Variants in COA1 observed in about 807,000 individuals in gnomAD.
COA1 encodes cytochrome c oxidase assembly factor 1, also known as cytochrome c oxidase assembly factor 1 homolog.
COA1 carries 13 observed loss-of-function variants against 16.0 expected under a neutral mutation model. That is an observed-to-expected ratio of 0.81 (90% CI 0.53 to 1.29). The LOEUF is 1.29. COA1 is among the 50% of genes most tolerant of loss of function. The probability of loss-of-function intolerance (pLI) is 0.00; values close to 1 mark genes in which losing one functional copy is unlikely to be tolerated. For missense variants in COA1, 179 were observed against 177.0 expected (o/e 1.01, Z -0.06); for synonymous variants, 65 against 65.7 (o/e 0.99, Z 0.05).
At chr7:43,612,280 GAGT>G (rs1563154278) in intron 6 of COA1, among the ~76,000 whole-genome samples, 19 of 152,268 alleles carry the variant, frequency 1.2e-4, no homozygotes, top group Admixed American at 1.1e-3. Flanking sequence ...ACATGTCTCT[GAGT>G]CAACTACTGG....
intron 1 of COA1, among the ~76,000 whole-genome samples, chr7:43,672,068 C>G (rs903790005): frequency 2.6e-5 from 4 of 152,034 alleles, no homozygotes; most frequent in Non-Finnish European, 5.9e-5. Context: ...GAAATTGAAA[C>G]AATTCAACAT....
At chr7:43,644,178 C>G (rs1235679322) in intron 4 of COA1, among the ~76,000 whole-genome samples, 4 of 152,170 alleles carry the variant, frequency 2.6e-5, no homozygotes, top group Admixed American at 2.0e-4. Flanking sequence ...CAGCCATCTC[C>G]CAGGCCTCGA....
At chr7:43,705,883 G>A (rs367909512) in intron 1 of COA1, among the ~76,000 whole-genome samples, 18 of 152,196 alleles carry the variant, frequency 1.2e-4, no homozygotes, top group East Asian at 1.2e-3. Context: ...CAGGGCCAGC[G>A]ACAAACCGAC....
intron 1 of COA1, among the ~76,000 whole-genome samples, chr7:43,721,794 C>A (rs1021485997): frequency 1.3e-5 from 2 of 150,892 alleles, no homozygotes; most frequent in Non-Finnish European, 3.0e-5. Flanking sequence ...AAAAAAAAAA[C>A]AAGGTAAGAG....
intron 6 of COA1, chr7:43,626,733 C>T (rs935720734): frequency 3.9e-5 from 6 of 152,162 alleles, no homozygotes; most frequent in Admixed American, 1.3e-4. Flanking sequence ...AAATCAGAAT[C>T]ATTTGGGCTT....
chr7:43,714,582 T>G (rs1008964965), intron 1 of COA1, among the ~76,000 whole-genome samples: 1 of 150,616 alleles, frequency 6.6e-6, no homozygotes, highest in Non-Finnish European at 1.5e-5. Flanking sequence ...TGAGCTGAGA[T>G]AGTGCCATTG....
At chr7:43,708,833 A>G (rs1336451578) in intron 1 of COA1, among the ~76,000 whole-genome samples, 1 of 152,032 alleles carries the variant, frequency 6.6e-6, no homozygotes, top group Non-Finnish European at 1.5e-5. Flanking sequence ...TTTGTCACAG[A>G]GTTGCAACCA....
chr7:43,693,254 T>C (rs1004664814), intron 1 of COA1, among the ~76,000 whole-genome samples: 1 of 152,180 alleles, frequency 6.6e-6, no homozygotes, highest in South Asian at 2.1e-4. Flanking sequence ...TCAAGTCTTA[T>C]ATCATCACTG....
At chr7:43,721,737 G>A (rs780508719) in intron 1 of COA1, among the ~76,000 whole-genome samples, 2 of 151,772 alleles carry the variant, frequency 1.3e-5, no homozygotes, top group Middle Eastern at 3.2e-3. Context: ...TCAGTACATG[G>A]GTTAAAATTT....
Position 43,644,789 on chromosome 7 carries a change from G to GAGAGAGAGAGAGA in COA1, c.264+461_264+462insTCTCTCTCTCTCT, listed in dbSNP as rs1442537142. Among the ~76,000 whole-genome samples the GAGAGAGAGAGAGA allele has an allele frequency of 3.1e-4, 32 of 104,460 alleles. 1 individual carries two copies. Among genetic ancestry groups the GAGAGAGAGAGAGA allele is most frequent in the African/African-American group, 7.5e-4 (17 of 22,604 alleles). The allele number at this position is 104,460 out of a possible 152,430, so 68.5% of individuals were successfully genotyped here. ...AGGCAGGCAGGCAGGCAGGCAGGCA[G>GAGAGAGAGAGAGA]GCAGAGAGACAGAGAGAGAGAGAGA... is the stretch of plus-strand genomic sequence containing the variant. On this transcript the variant is annotated intron_variant, in intron 4 of 5. Transcript: ENST00000223336.
At chr7:43,644,799 CAGAG>C (rs10627279) in intron 4 of COA1, among the ~76,000 whole-genome samples, 1,483 of 75,382 alleles carry the variant, frequency 0.02, 50 homozygotes, top group East Asian at 0.03. Flanking sequence ...GGCAGAGAGA[CAGAG>C]AGAGAGAGAG....
At chr7:43,667,848 CTTATT>C (rs1484866121) in intron 1 of COA1, among the ~76,000 whole-genome samples, 1 of 152,170 alleles carries the variant, frequency 6.6e-6, no homozygotes, top group Non-Finnish European at 1.5e-5. Context: ...GTCCAGGAAA[CTTATT>C]TTAACTATTT....
rs148196690 is a variant in COA1, at chr7:43,668,863, G to A, written c.-38-20211C>T. 1.4e-4 allele frequency among the ~76,000 whole-genome samples: 22 copies of A among 152,218 alleles called. No homozygotes were observed. The East Asian group carries it at 4.2e-3, about 29-fold the overall frequency. On this transcript the variant is annotated intron_variant, in intron 1 of 5. Coordinates refer to ENST00000223336, the MANE Select transcript of COA1 (RefSeq NM_018224.4). ...AAATTATCTACTATACCACACTTGT[G>A]GGAACTGCTATACTCACTCTACTAT... is the stretch of plus-strand genomic sequence containing the variant.
intron 6 of COA1, among the ~76,000 whole-genome samples, chr7:43,628,158 T>A (rs1037544173): frequency 9.9e-5 from 15 of 152,032 alleles, no homozygotes; most frequent in Non-Finnish European, 2.2e-4. Context: ...GGCTAATTTT[T>A]GTATTTTTTT....
At chr7:43,635,419 C>T (rs1326607325), downstream of COA1, among the ~76,000 whole-genome samples, 1 of 152,202 alleles carries the variant, frequency 6.6e-6, no homozygotes, top group Admixed American at 6.5e-5. Context: ...CCCTTATGCT[C>T]CGTGTCCCAC....
chr7:43,658,465 T>C (rs1251560734), intron 1 of COA1, among the ~76,000 whole-genome samples: 2 of 152,200 alleles, frequency 1.3e-5, no homozygotes, highest in Admixed American at 6.5e-5. Context: ...AAACACCTGA[T>C]AAAACATATG....
intron 1 of COA1, among the ~76,000 whole-genome samples, chr7:43,715,305 G>A (rs569374230): frequency 2.6e-5 from 4 of 151,760 alleles, no homozygotes; most frequent in South Asian, 2.1e-4. Flanking sequence ...GTGAAACTCC[G>A]TCTCTACTAA....
intron 1 of COA1, among the ~76,000 whole-genome samples, chr7:43,709,443 T>A (rs2095134586): frequency 6.8e-6 from 1 of 147,278 alleles, no homozygotes; most frequent in African/African-American, 2.7e-5. Flanking sequence ...ATTGTGTGTG[T>A]GTGTGTGTGT....
At chr7:43,614,531 GC>G (rs1431853258) in intron 6 of COA1, among the ~76,000 whole-genome samples, 2 of 152,168 alleles carry the variant, frequency 1.3e-5, no homozygotes, top group Non-Finnish European at 2.9e-5. Context: ...AACTAACAGA[GC>G]TTATAGTCCT....
Sources: gnomAD v4.1 joint callset for allele counts (sites outside exome capture counted in the v4.1 genomes callset) on GRCh38, gnomAD v4.1.1 for gene constraint, MANE v1.5 for transcripts, NCBI Gene and HGNC (gene_info 2026-07-23, HGNC 2026-07-21) for gene names.